SYNDIG1: variants seen among roughly 807,000 people sequenced by gnomAD.
The protein encoded by SYNDIG1 is synapse differentiation inducing 1.
Under a neutral mutation model 19.4 loss-of-function variants are expected in SYNDIG1, and 9 were observed. The observed-to-expected ratio is 0.46, with a 90% CI of 0.28 to 0.81. The LOEUF (loss-of-function observed/expected upper bound fraction) is 0.81, where lower values mean the gene tolerates loss of function less well. SYNDIG1 is among the 30% of genes least tolerant of loss of function. SYNDIG1 has a pLI of 0.12. For synonymous variants in SYNDIG1, 141 were observed against 145.9 expected, an observed-to-expected ratio of 0.97 and a Z score of 0.24; for missense variants, 311 against 343.3, an observed-to-expected ratio of 0.91 and a Z score of 0.74.
intron 2 of SYNDIG1, among the ~76,000 whole-genome samples, chr20:24,565,396 G>C (rs2058025939): frequency 6.6e-6 from 1 of 152,202 alleles, no homozygotes; most frequent in Non-Finnish European, 1.5e-5. Context: ...CGAGATAACA[G>C]TGGTGCTTCA....
At chr20:24,580,028 ATGGGCGGCCC>A (rs1336982143) in intron 2 of SYNDIG1, among the ~76,000 whole-genome samples, 26 of 152,198 alleles carry the variant, frequency 1.7e-4, no homozygotes, top group Non-Finnish European at 2.9e-5. Flanking sequence ...ATGCAGTAGA[ATGGGCGGCCC>A]TGGAGGGCAC....
chr20:24,524,359 T>C (rs531296886), intron 1 of SYNDIG1, among the ~76,000 whole-genome samples: 75 of 152,292 alleles, frequency 4.9e-4, no homozygotes, highest in African/African-American at 1.8e-3. Context: ...ATTATTTATC[T>C]TGTTGGCCGG....
chr20:24,637,862 C>T (rs2059331458), intron 3 of SYNDIG1, among the ~76,000 whole-genome samples: 3 of 152,242 alleles, frequency 2.0e-5, no homozygotes, highest in African/African-American at 7.2e-5. Context: ...GAACACCCCT[C>T]AACTATCTGT....
chr20:24,590,236 G>A (rs904787101), intron 3 of SYNDIG1, among the ~76,000 whole-genome samples: 10 of 152,026 alleles, frequency 6.6e-5, no homozygotes, highest in Non-Finnish European at 1.2e-4. Context: ...GGCCTGCAGT[G>A]CCGAGGCCCT....
At chr20:24,524,384 G>T (rs1030086402) in intron 1 of SYNDIG1, among the ~76,000 whole-genome samples, 6 of 152,156 alleles carry the variant, frequency 3.9e-5, no homozygotes, top group African/African-American at 1.4e-4. Context: ...GGTGGCTCAC[G>T]CCAGTAATCC....
chr20:24,560,797 T>C (rs2057928369), intron 2 of SYNDIG1, among the ~76,000 whole-genome samples: 1 of 151,416 alleles, frequency 6.6e-6, no homozygotes, highest in South Asian at 2.1e-4. Context: ...CTAGACAACT[T>C]GAATGATATA....
At chr20:24,533,857 G>C (rs998675391) in intron 1 of SYNDIG1, among the ~76,000 whole-genome samples, 1 of 152,176 alleles carries the variant, frequency 6.6e-6, no homozygotes, top group African/African-American at 2.4e-5. Flanking sequence ...TTCAGCCCCT[G>C]TGTTAGTCCA....
intron 3 of SYNDIG1, among the ~76,000 whole-genome samples, chr20:24,661,555 A>AGG (rs1568723474): frequency 1.8e-4 from 2 of 11,168 alleles, no homozygotes; most frequent in Non-Finnish European, 4.1e-4. Context: ...GAGGGAGGAA[A>AGG]AAAGAGAGGA....
At chr20:24,581,828 C>G (rs1244521489) in intron 2 of SYNDIG1, among the ~76,000 whole-genome samples, 1 of 150,182 alleles carries the variant, frequency 6.7e-6, no homozygotes, top group South Asian at 2.1e-4. Context: ...CCCCACTGCA[C>G]GTCCTCACCC....
intron 1 of SYNDIG1, among the ~76,000 whole-genome samples, chr20:24,535,546 G>T (rs2146663786): frequency 6.6e-6 from 1 of 152,230 alleles, no homozygotes; most frequent in African/African-American, 2.4e-5. Flanking sequence ...TGGGCATAAA[G>T]CTTTGCAATG....
intron 1 of SYNDIG1, among the ~76,000 whole-genome samples, chr20:24,509,872 G>A (rs966879702): frequency 6.6e-6 from 1 of 152,172 alleles, no homozygotes; most frequent in African/African-American, 2.4e-5. Context: ...AGGGCCTTGT[G>A]GGAGGTGATT....
chr20:24,583,514 C>T (rs559828719), intron 2 of SYNDIG1, among the ~76,000 whole-genome samples: 5 of 152,326 alleles, frequency 3.3e-5, no homozygotes, highest in East Asian at 1.9e-4. Context: ...ATAAGATGGG[C>T]GCCATCTTTG....
chr20:24,618,469 C>T, intron 3 of SYNDIG1, among the ~76,000 whole-genome samples: 1 of 152,144 alleles, frequency 6.6e-6, no homozygotes, highest in South Asian at 2.1e-4. Context: ...TCAGCCTCTC[C>T]TTCTCTTGTC....
chr20:24,627,588 T>C (rs2059169640), intron 3 of SYNDIG1, among the ~76,000 whole-genome samples: 1 of 152,260 alleles, frequency 6.6e-6, no homozygotes, highest in Non-Finnish European at 1.5e-5. Context: ...ACATTCTCCG[T>C]AGTGCATCTT....
intron 1 of SYNDIG1, among the ~76,000 whole-genome samples, chr20:24,478,822 C>T (rs1175482742): frequency 6.6e-6 from 1 of 152,164 alleles, no homozygotes; most frequent in Non-Finnish European, 1.5e-5. Flanking sequence ...AGAAGCCTCC[C>T]ACAGAACTCA....
At chr20:24,623,111 G>A (rs60055088) in intron 3 of SYNDIG1, among the ~76,000 whole-genome samples, 4 of 151,992 alleles carry the variant, frequency 2.6e-5, no homozygotes, top group East Asian at 1.9e-4. Context: ...CATAGGAGTC[G>A]GAGGTTGCAG....
At chr20:24,567,094 T>C (rs1225365263) in intron 2 of SYNDIG1, among the ~76,000 whole-genome samples, 1 of 152,124 alleles carries the variant, frequency 6.6e-6, no homozygotes, top group Non-Finnish European at 1.5e-5. Context: ...AAAGACAGGG[T>C]CCTTGTCTGT....
chr20:24,474,413 AAAT>A (rs2055557376), intron 1 of SYNDIG1, among the ~76,000 whole-genome samples: 1 of 152,252 alleles, frequency 6.6e-6, no homozygotes, highest in Non-Finnish European at 1.5e-5. Context: ...CTAGAACCAA[AAAT>A]AACAGAACCA....
At chr20:24,555,599 A>G (rs1253594709) in intron 2 of SYNDIG1, among the ~76,000 whole-genome samples, 1 of 152,116 alleles carries the variant, frequency 6.6e-6, no homozygotes, top group East Asian at 1.9e-4. Context: ...TTCAGTTTCC[A>G]TGTAGTTGAG....
Sources: allele counts gnomAD v4.1 joint callset (sites outside exome capture counted in the v4.1 genomes callset), GRCh38; gene constraint gnomAD v4.1.1; transcripts MANE v1.5; gene names NCBI Gene and HGNC (gene_info 2026-07-23, HGNC 2026-07-21).